UBE2G2: variants seen among roughly 807,000 people sequenced by gnomAD.
UBE2G2 encodes the protein ubiquitin conjugating enzyme E2 G2, also known as ubiquitin-conjugating enzyme E2 G2.
In UBE2G2, 10 loss-of-function variants were observed where a neutral mutation model predicts 23.0. The ratio of observed to expected loss-of-function variants is 0.43; its 90% CI spans 0.27 to 0.74. The LOEUF (loss-of-function observed/expected upper bound fraction) is 0.74, where lower values mean the gene tolerates loss of function less well. Ranked by LOEUF, UBE2G2 falls within the 30% of genes least tolerant of loss-of-function variation. The pLI, the probability that UBE2G2 is intolerant of heterozygous loss-of-function variation, is 0.19. For missense variants in UBE2G2, 150 were observed against 218.3 expected (o/e 0.69, Z 1.97); for synonymous variants, 86 against 81.3 (o/e 1.06, Z -0.31).
chr21:44,801,439 C>T (rs1194614999), intron 1 of UBE2G2: 7 of 1,219,266 alleles, frequency 5.7e-6, no homozygotes, highest in Non-Finnish European at 7.2e-6. Flanking sequence ...AAAACAAGCC[C>T]GCAAAGACTC....
In UBE2G2 at chr21:44,777,336, T is replaced by G; in HGVS notation, c.207A>C (p.Pro69=). ...SFPLDYPLSP[P]KMRFTCEMFH... is the part of the protein sequence containing the mutation. ...ACATCTCACAGGTAAATCTCATCTT[T>G]GGGGGACTTAACGGGTAATCAAGTG... Residue 69 remains proline (P), a synonymous_variant, in exon 4 of 6, where the codon CCA becomes CCC. Coordinates refer to ENST00000345496, the MANE Select transcript of UBE2G2 (RefSeq NM_003343.6). The G allele has an allele frequency of 6.2e-7, 1 of 1,614,052 alleles. No homozygotes were observed. The highest frequency in any genetic ancestry group is 1.3e-5 in the African/African-American group (1 of 75,022).
chr21:44,783,435 C>T (rs1480461987), intron 3 of UBE2G2, among the ~76,000 whole-genome samples: 1 of 152,246 alleles, frequency 6.6e-6, no homozygotes. Flanking sequence ...GAAATGAACT[C>T]CATGTCCACA....
intron 1 of UBE2G2, 83 bp downstream of exon 1, chr21:44,801,623 T>C: frequency 1.4e-6 from 2 of 1,445,602 alleles, no homozygotes; most frequent in Middle Eastern, 2.4e-4. Flanking sequence ...CCCGCCAGGC[T>C]CCCTGCCCCA....
intron 3 of UBE2G2, among the ~76,000 whole-genome samples, chr21:44,781,683 G>A (rs1277157400): frequency 6.6e-6 from 1 of 152,196 alleles, no homozygotes; most frequent in Non-Finnish European, 1.5e-5. Flanking sequence ...CTCACCCCCA[G>A]AGCAGGGCCC....
chr21:44,776,227 G>A (rs1244545483), intron 4 of UBE2G2, among the ~76,000 whole-genome samples: 1 of 151,784 alleles, frequency 6.6e-6, no homozygotes, highest in Non-Finnish European at 1.5e-5. Flanking sequence ...TCCTACTACT[G>A]GACACATTTT....
At chr21:44,775,998 C>T (rs1308775165) in intron 4 of UBE2G2, among the ~76,000 whole-genome samples, 3 of 152,130 alleles carry the variant, frequency 2.0e-5, no homozygotes, top group Middle Eastern at 3.2e-3. Context: ...ACCAAATGGT[C>T]TCTCTCAGGC....
In UBE2G2 at chr21:44,777,301, T is replaced by A; in HGVS notation, c.242A>T (p.Asn81Ile). ...AAACTACTTCCAAAAGCACTTACTG[T>A]TGGGATGAAACATCTCACAGGTAAA... ...MRFTCEMFHP[N>I]IYPDGRVCIS... is the part of the protein sequence containing the mutation. The change falls in exon 4 of 6, where the codon AAC becomes ATC. Residue 81 changes from asparagine (N) to isoleucine (I), a missense_variant and splice_region_variant. Asn to Ile is a moderately radical substitution (Grantham distance 149, BLOSUM62 -3). Coordinates refer to ENST00000345496, the MANE Select transcript of UBE2G2 (RefSeq NM_003343.6). The A allele has an allele frequency of 6.2e-7, 1 of 1,613,656 alleles. No homozygotes were observed. The highest frequency in any genetic ancestry group is 8.5e-7 in the Non-Finnish European group (1 of 1,179,678).
chr21:44,784,815 C>A (rs1489958179), intron 3 of UBE2G2, among the ~76,000 whole-genome samples: 2 of 152,176 alleles, frequency 1.3e-5, no homozygotes, highest in Non-Finnish European at 2.9e-5. Flanking sequence ...GCCTCTAGAA[C>A]CACTGGTCTG....
chr21:44,801,254 C>G, intron 1 of UBE2G2: 2 of 975,100 alleles, frequency 2.1e-6, no homozygotes, highest in Non-Finnish European at 2.4e-6. Context: ...AAACCCTTTT[C>G]CTTCATTAGA....
intron 1 of UBE2G2, among the ~76,000 whole-genome samples, chr21:44,794,159 C>T (rs1187578369): frequency 6.6e-6 from 1 of 152,168 alleles, no homozygotes; most frequent in African/African-American, 2.4e-5. Flanking sequence ...CAGAAGAAAC[C>T]AGCCCTGCCC....
In UBE2G2 at chr21:44,771,938, T is replaced by TA. The variant is rs1364303578; in HGVS notation, c.386-450dup. On this transcript the variant is annotated intron_variant, in intron 5 of 5. Transcript: ENST00000345496. The surrounding 1 kb of genome is among the most constrained non-coding windows in gnomAD (Gnocchi z 4.6). ...CAGCAAAACTGCCCCTCACAGCTCC[T>TA]ACCAAGACAATCCCAAGCAAATGTG... Among the ~76,000 whole-genome samples the TA allele has an allele frequency of 1.6e-4, 25 of 152,192 alleles. No homozygotes were observed. The highest frequency in any genetic ancestry group is 6.0e-4 in the African/African-American group (25 of 41,534).
At chr21:44,801,280 T>C (rs2083134882) in intron 1 of UBE2G2, 4 of 1,009,334 alleles carry the variant, frequency 4.0e-6, no homozygotes, top group Non-Finnish European at 4.7e-6. Context: ...AGCCAAAATC[T>C]GACCTTTCAA....
At chr21:44,777,543 C>T (rs2082922580) in intron 3 of UBE2G2, 126 bp from the exon 4 acceptor site, 10 of 890,874 alleles carry the variant, frequency 1.1e-5, no homozygotes, top group Non-Finnish European at 1.6e-5. Flanking sequence ...TGCGGTGGCT[C>T]ACGCCTGTAA....
At chr21:44,798,175 AATT>A (rs1251851636) in intron 1 of UBE2G2, among the ~76,000 whole-genome samples, 19 of 152,288 alleles carry the variant, frequency 1.2e-4, no homozygotes, top group Middle Eastern at 3.4e-3. Flanking sequence ...ATAAATAAAT[AATT>A]ATTATTTGCC....
At chr21:44,784,025 G>T (rs1283488176) in intron 3 of UBE2G2, among the ~76,000 whole-genome samples, 3 of 152,154 alleles carry the variant, frequency 2.0e-5, no homozygotes, top group African/African-American at 7.2e-5. Flanking sequence ...GCGTGGTGGT[G>T]TGCACCTGTG....
intron 3 of UBE2G2, among the ~76,000 whole-genome samples, chr21:44,786,689 C>T (rs1156693471): frequency 1.3e-5 from 2 of 152,362 alleles, no homozygotes; most frequent in African/African-American, 4.8e-5. Flanking sequence ...AGAGCCCACA[C>T]TTGTTTCACA....
In UBE2G2 at chr21:44,772,818, C is replaced by T. The variant is rs1109280; in HGVS notation, c.385+729G>A. Among the ~76,000 whole-genome samples, 57,279 of 151,986 alleles carry T rather than the reference C, an allele frequency of 0.38. 11,302 individuals carry two copies. Among genetic ancestry groups the T allele is most frequent in the South Asian group, 0.45 (2,163 of 4,818 alleles). On this transcript the variant is annotated intron_variant, in intron 5 of 5. Transcript: ENST00000345496. This position sits in a 1 kb window ranked among gnomAD's most constrained non-coding sequence, Gnocchi z 5.4. ...TTCTCTCCAGGCTACTGCAACACCA[C>T]GATGTCTCTGTTTGTCTTCCATCAC...
At chr21:44,800,865 T>G (rs1398344599) in intron 1 of UBE2G2, 3 of 152,214 alleles carry the variant, frequency 2.0e-5, no homozygotes, top group Non-Finnish European at 4.4e-5. Context: ...GGTATTTTGC[T>G]AAGCACTTCA....
At chr21:44,791,620 A>G (rs1186502498) in intron 1 of UBE2G2, among the ~76,000 whole-genome samples, 2 of 152,364 alleles carry the variant, frequency 1.3e-5, no homozygotes, top group Middle Eastern at 3.4e-3. Flanking sequence ...CTGGATGTCC[A>G]GACAGAAATC....
Sources: allele counts gnomAD v4.1 joint callset (sites outside exome capture counted in the v4.1 genomes callset), GRCh38; gene constraint gnomAD v4.1.1; non-coding constraint Gnocchi (gnomAD v3.1); transcripts MANE v1.5; gene names NCBI Gene and HGNC (gene_info 2026-07-23, HGNC 2026-07-21).